Variants in ASIP observed in about 807,000 individuals in gnomAD.
The protein encoded by ASIP is agouti-signaling protein.
ASIP carries 11 observed loss-of-function variants against 10.3 expected under a neutral mutation model. The observed-to-expected ratio is 1.07, with a 90% CI of 0.68 to 1.78. ASIP has a LOEUF of 1.78. Among genes scored for constraint, ASIP ranks in the 40% most tolerant of loss-of-function variants. The probability of loss-of-function intolerance (pLI) is 0.00; values close to 1 mark genes in which losing one functional copy is unlikely to be tolerated. For synonymous variants in ASIP, 70 were observed against 70.8 expected (o/e 0.99, Z 0.06); for missense variants, 180 against 169.2 (o/e 1.06, Z -0.35).
chr20:34,192,519 TTC>T (rs1279447726), upstream of ASIP, among the ~76,000 whole-genome samples: 1 of 126,970 alleles, frequency 7.9e-6, no homozygotes, highest in African/African-American at 4.6e-5. Context: ...TTTTTTCTTC[TTC>T]TTTTTTTTTT....
upstream of ASIP, among the ~76,000 whole-genome samples, chr20:34,238,901 A>G (rs1338372275): frequency 6.6e-6 from 1 of 152,150 alleles, no homozygotes; most frequent in East Asian, 1.9e-4. Flanking sequence ...CCAAGCCTTC[A>G]CCTAGAAGTT....
At chr20:34,205,264 G>T (rs1302814626) in intron 1 of ASIP, among the ~76,000 whole-genome samples, 1 of 152,226 alleles carries the variant, frequency 6.6e-6, no homozygotes, top group African/African-American at 2.4e-5. Context: ...CACAGTGAGT[G>T]TTACAGCTCT....
At chr20:34,202,327 C>T (rs758825895) in intron 1 of ASIP, among the ~76,000 whole-genome samples, 37 of 152,190 alleles carry the variant, frequency 2.4e-4, no homozygotes, top group Non-Finnish European at 4.6e-4. Flanking sequence ...ATATGGTCTA[C>T]GGCCATACCA....
chr20:34,269,021 C>G lies in ASIP; in HGVS notation c.253C>G (p.Pro85Ala), dbSNP rs758128920. The G allele has an allele frequency of 2.1e-5, 34 of 1,607,820 alleles. No homozygotes were observed. The highest frequency in any genetic ancestry group is 3.4e-5 in the Admixed American group (2 of 59,568). The change falls in exon 4 of 4, where the codon CCC becomes GCC. Residue 85 changes from proline to alanine, a missense_variant. Coordinates refer to ENST00000374954, the MANE Select transcript of ASIP (RefSeq NM_001672.3). Reference sequence around the variant, plus strand: ...GGCTTCGATGAAGAAAGTGGTGCGGCCCCGGACCCCCCTATCTGCGCCCTG... The same window carrying G: ...GGCTTCGATGAAGAAAGTGGTGCGGGCCCGGACCCCCCTATCTGCGCCCTG... ...KEASMKKVVR[P>A]RTPLSAPCVA...
intron 1 of ASIP, among the ~76,000 whole-genome samples, chr20:34,220,325 A>G (rs779134482): frequency 6.6e-6 from 1 of 150,812 alleles, no homozygotes; most frequent in Non-Finnish European, 1.5e-5. Flanking sequence ...GGCCGGGTGC[A>G]GTGGCTCACG....
intron 1 of ASIP, among the ~76,000 whole-genome samples, chr20:34,231,759 T>A (rs1402029775): frequency 6.6e-6 from 1 of 152,156 alleles, no homozygotes; most frequent in African/African-American, 2.4e-5. Flanking sequence ...CAGATGGAAA[T>A]AAGCTCATTA....
chr20:34,257,889 A>T (rs2035600118), intron 1 of ASIP, among the ~76,000 whole-genome samples: 1 of 152,182 alleles, frequency 6.6e-6, no homozygotes, highest in South Asian at 2.1e-4. Flanking sequence ...CACACCTGTA[A>T]CCCCAGCACT....
At chr20:34,236,408 G>A (rs543679797) in intron 1 of ASIP, among the ~76,000 whole-genome samples, 70 of 152,302 alleles carry the variant, frequency 4.6e-4, no homozygotes, top group African/African-American at 1.5e-3. Flanking sequence ...GCCAGGCATG[G>A]TGGTGCGTGT....
intron 1 of ASIP, among the ~76,000 whole-genome samples, chr20:34,197,339 C>T (rs2034864959): frequency 6.6e-6 from 1 of 152,110 alleles, no homozygotes; most frequent in Non-Finnish European, 1.5e-5. Flanking sequence ...CTAGCCTGGG[C>T]AGCAGAGCAA....
At chr20:34,251,861 C>T (rs1283094337) in intron 1 of ASIP, among the ~76,000 whole-genome samples, 1 of 152,112 alleles carries the variant, frequency 6.6e-6, no homozygotes, top group African/African-American at 2.4e-5. Context: ...GAAATAGGCC[C>T]TCACTAGATA....
intron 1 of ASIP, among the ~76,000 whole-genome samples, chr20:34,211,545 G>A (rs914246192): frequency 2.0e-5 from 3 of 152,060 alleles, no homozygotes; most frequent in African/African-American, 7.2e-5. Flanking sequence ...CTTTCTTTCT[G>A]CCTGAAAAAT....
Position 34,218,899 on chromosome 20 carries a change from G to A in ASIP, c.-11+24139G>A, listed in dbSNP as rs181242322. On this transcript the variant is annotated intron_variant, in intron 1 of 3. Coordinates refer to the ASIP transcript ENST00000568305. ...AGGATGGTCTCGATCTCCTGACCTCGTGATCCTCCCACCTCGGCCTCCCAA... is the reference window on the plus strand; with the variant it reads ...AGGATGGTCTCGATCTCCTGACCTCATGATCCTCCCACCTCGGCCTCCCAA... 1.4e-3 allele frequency among the ~76,000 whole-genome samples: 209 copies of A among 152,104 alleles called. 1 individual carries two copies. The highest frequency in any genetic ancestry group is 4.8e-3 in the African/African-American group (200 of 41,494).
At chr20:34,190,484 C>T (rs781650947), upstream of ASIP, among the ~76,000 whole-genome samples, 39 of 152,126 alleles carry the variant, frequency 2.6e-4, no homozygotes, top group Non-Finnish European at 4.4e-4. Context: ...TTAATTACTA[C>T]GTATATGATA....
chr20:34,228,132 C>CTTTTT (rs2035105426), intron 1 of ASIP, among the ~76,000 whole-genome samples: 1 of 5,696 alleles, frequency 1.8e-4, no homozygotes, highest in Non-Finnish European at 2.2e-4. Flanking sequence ...ATAGAACTTT[C>CTTTTT]TTTTTTTTTT....
At chr20:34,240,544 C>A (rs1298185750), upstream of ASIP, among the ~76,000 whole-genome samples, 1 of 152,084 alleles carries the variant, frequency 6.6e-6, no homozygotes, top group Non-Finnish European at 1.5e-5. Flanking sequence ...AATTATGAGA[C>A]CAATATTCCT....
At chr20:34,265,947 CA>C (rs1218312792) in intron 3 of ASIP, among the ~76,000 whole-genome samples, 1 of 140,624 alleles carries the variant, frequency 7.1e-6, no homozygotes, top group Admixed American at 7.0e-5. Flanking sequence ...AAGACTGTCT[CA>C]AAAAAAAACA....
In ASIP at chr20:34,269,275, G is replaced by A; in HGVS notation, c.*108G>A. Reference sequence around the variant, plus strand: ...TTCCCAGGGCTGCAGGCGGGCGGAGGTTCCAGGAGATGGGACTTCAGGGAG... The same window carrying A: ...TTCCCAGGGCTGCAGGCGGGCGGAGATTCCAGGAGATGGGACTTCAGGGAG... On this transcript the variant is annotated 3_prime_UTR_variant, in exon 4 of 4. Coordinates refer to ENST00000374954, the MANE Select transcript of ASIP (RefSeq NM_001672.3). The A allele has an allele frequency of 1.5e-6, 2 of 1,347,500 alleles. No individual in the cohort carries two copies. Among genetic ancestry groups the A allele is most frequent in the East Asian group, 2.7e-5 (1 of 36,384 alleles). The allele number at this position is 1,347,500 out of a possible 1,614,324, so 83.5% of individuals were successfully genotyped here. A position where few individuals can be genotyped will look rare whatever the true frequency, so the allele number is the denominator to read the frequency against.
In ASIP at chr20:34,257,681, A is replaced by T. The variant is rs567038929; in HGVS notation, c.-10-2684A>T. ...TAAGTTTCAAAACATTATGATAACT[A>T]TTCATGATGTAATTTTTCCTCTGCC... On this transcript the variant is annotated intron_variant, in intron 1 of 3. Coordinates refer to ENST00000374954, the MANE Select transcript of ASIP (RefSeq NM_001672.3). 1.1e-3 allele frequency among the ~76,000 whole-genome samples: 174 copies of T among 152,338 alleles called. 1 individual carries two copies. Among genetic ancestry groups the T allele is most frequent in the Non-Finnish European group, 2.0e-3 (135 of 68,034 alleles).
intron 1 of ASIP, among the ~76,000 whole-genome samples, chr20:34,242,213 T>C (rs1433623824): frequency 6.6e-6 from 1 of 151,396 alleles, no homozygotes; most frequent in Non-Finnish European, 1.5e-5. Flanking sequence ...TTTTATTTTA[T>C]TATTTTTATT....
Sources: allele counts gnomAD v4.1 joint callset (sites outside exome capture counted in the v4.1 genomes callset), GRCh38; gene constraint gnomAD v4.1.1; transcripts MANE v1.5; gene names NCBI Gene and HGNC (gene_info 2026-07-23, HGNC 2026-07-21).